The following COG5 variants were observed in gnomAD, a reference collection of about 807,000 sequenced individuals.
The protein encoded by COG5 is conserved oligomeric Golgi complex subunit 5.
A neutral mutation model predicts 110.4 loss-of-function variants in COG5; 86 were observed. The ratio of observed to expected loss-of-function variants is 0.78; its 90% CI spans 0.65 to 0.93. COG5 has a LOEUF of 0.93. Ranked by LOEUF, COG5 falls within the 40% of genes least tolerant of loss-of-function variation. COG5 has a pLI of 0.00. For synonymous variants in COG5, 360 were observed against 334.6 expected (o/e 1.08, Z -0.83); for missense variants, 1,077 against 987.0 (o/e 1.09, Z -1.22).
intron 18 of COG5, among the ~76,000 whole-genome samples, chr7:107,235,647 G>A (rs1379030091): frequency 1.3e-5 from 2 of 152,214 alleles, no homozygotes; most frequent in African/African-American, 4.8e-5. Context: ...AGGTTGCAGT[G>A]AGCTGAGATT....
rs7777950 is a variant in COG5, at chr7:107,364,227, T to G, written c.836-1807A>C. On this transcript the variant is annotated intron_variant, in intron 8 of 21. Coordinates refer to ENST00000297135, the MANE Select transcript of COG5 (RefSeq NM_006348.5). ...AGCTAATCATGAAGAAAATATCACA[T>G]GAATCCAGACAAATTCAGATTATGA... 1.6e-3 allele frequency among the ~76,000 whole-genome samples: 241 copies of G among 152,148 alleles called. 1 individual carries two copies. Among genetic ancestry groups the G allele is most frequent in the African/African-American group, 5.5e-3 (230 of 41,528 alleles).
intron 6 of COG5, among the ~76,000 whole-genome samples, chr7:107,426,877 C>T (rs892045409): frequency 6.6e-6 from 1 of 152,156 alleles, no homozygotes; most frequent in Admixed American, 6.5e-5. Context: ...ATCCTTTCTA[C>T]TTAAATTGGG....
At chr7:107,250,577 A>T (rs1802428057) in intron 16 of COG5, among the ~76,000 whole-genome samples, 1 of 152,224 alleles carries the variant, frequency 6.6e-6, no homozygotes, top group Non-Finnish European at 1.5e-5. Flanking sequence ...AGAGATGCTT[A>T]ACCCTGAGAT....
intron 6 of COG5, among the ~76,000 whole-genome samples, chr7:107,500,726 T>C (rs889797576): frequency 7.9e-5 from 12 of 152,162 alleles, no homozygotes; most frequent in African/African-American, 2.9e-4. Flanking sequence ...CTTTGGGATA[T>C]GATATTAAAA....
chr7:107,539,130 A>T (rs868140924), intron 5 of COG5, among the ~76,000 whole-genome samples: 36 of 151,670 alleles, frequency 2.4e-4, no homozygotes, highest in Admixed American at 8.6e-4. Flanking sequence ...ATTAAAATTT[A>T]AAAAAAAATT....
intron 14 of COG5, among the ~76,000 whole-genome samples, chr7:107,263,488 C>A (rs1803540228): frequency 6.6e-6 from 1 of 152,116 alleles, no homozygotes; most frequent in South Asian, 2.1e-4. Flanking sequence ...AATCATGTTA[C>A]ACTATTCCAG....
At chr7:107,252,450 T>A (rs1802589148) in intron 16 of COG5, among the ~76,000 whole-genome samples, 1 of 152,012 alleles carries the variant, frequency 6.6e-6, no homozygotes, top group Non-Finnish European at 1.5e-5. Flanking sequence ...GCTTCACTGG[T>A]GAATTCTACT....
chr7:107,315,994 G>A (rs952139432), intron 11 of COG5, among the ~76,000 whole-genome samples: 5 of 152,068 alleles, frequency 3.3e-5, no homozygotes, highest in Non-Finnish European at 7.4e-5. Flanking sequence ...GAAAACATAC[G>A]CTGGCAATTA....
intron 7 of COG5, among the ~76,000 whole-genome samples, chr7:107,385,815 T>C (rs1790148197): frequency 6.6e-6 from 1 of 151,680 alleles, no homozygotes; most frequent in Non-Finnish European, 1.5e-5. Flanking sequence ...CTTTTTTTTT[T>C]TTTTTTTTGA....
chr7:107,292,147 C>T (rs1474922373), intron 12 of COG5, among the ~76,000 whole-genome samples: 2 of 152,158 alleles, frequency 1.3e-5, no homozygotes, highest in African/African-American at 4.8e-5. Flanking sequence ...AGTGATCCTC[C>T]CACCTCAGCC....
chr7:107,417,762 T>C (rs1194957245), intron 6 of COG5, among the ~76,000 whole-genome samples: 3 of 152,174 alleles, frequency 2.0e-5, no homozygotes, highest in Admixed American at 6.5e-5. Flanking sequence ...TTCTCATTGA[T>C]AGTCTAATCT....
rs1805162165 is a variant in COG5 at position 107,281,486 on chromosome 7, G to A, written c.1476-87C>T. 5 of 930,222 alleles carry A rather than the reference G, an allele frequency of 5.4e-6. No homozygotes were observed. In the Admixed American group the frequency reaches 7.2e-5, roughly 13 times the overall value. The allele number at this position is 930,222 out of a possible 1,614,324, so 57.6% of individuals were successfully genotyped here. A position where few individuals can be genotyped will look rare whatever the true frequency, so the allele number is the denominator to read the frequency against. On this transcript the variant is annotated intron_variant, in intron 13 of 21. Transcript: ENST00000297135. ...CAAGATAAAAACTCAAACCCAATAA[G>A]CAATGTGGTTATTCTTTTTATAGAT... is the stretch of plus-strand genomic sequence containing the variant.
chr7:107,444,113 T>C (rs1794873087), intron 6 of COG5, among the ~76,000 whole-genome samples: 1 of 152,146 alleles, frequency 6.6e-6, no homozygotes, highest in African/African-American at 2.4e-5. Flanking sequence ...CACTTATCTC[T>C]CTGTTGTTTC....
At chr7:107,508,422 C>T (rs1799207457) in intron 6 of COG5, among the ~76,000 whole-genome samples, 1 of 152,254 alleles carries the variant, frequency 6.6e-6, no homozygotes, top group South Asian at 2.1e-4. Flanking sequence ...TCAAGGAGGC[C>T]TGCCTGCCTC....
chr7:107,235,216 A>C (rs1801089992), intron 18 of COG5, among the ~76,000 whole-genome samples: 1 of 152,210 alleles, frequency 6.6e-6, no homozygotes, highest in African/African-American at 2.4e-5. Context: ...CACTGACTTG[A>C]TACAAGCAGT....
chr7:107,255,825 G>A (rs1329999945), intron 16 of COG5, among the ~76,000 whole-genome samples: 2 of 152,018 alleles, frequency 1.3e-5, no homozygotes, highest in Admixed American at 6.6e-5. Context: ...TACGCTTTAT[G>A]GCCTTAGTTA....
intron 6 of COG5, among the ~76,000 whole-genome samples, chr7:107,493,797 C>A (rs1396200324): frequency 1.3e-5 from 2 of 152,038 alleles, no homozygotes; most frequent in African/African-American, 2.4e-5. Context: ...TATTCAAAGA[C>A]TATGAAAAAG....
intron 6 of COG5, among the ~76,000 whole-genome samples, chr7:107,416,625 T>C (rs1028112380): frequency 1.3e-5 from 2 of 152,174 alleles, no homozygotes; most frequent in South Asian, 2.1e-4. Context: ...TATGAACCAA[T>C]GGCACAGAGT....
chr7:107,221,594 C>A (rs1799929516), intron 19 of COG5, among the ~76,000 whole-genome samples: 1 of 151,916 alleles, frequency 6.6e-6, no homozygotes, highest in South Asian at 2.1e-4. Flanking sequence ...GAAATCCCAT[C>A]TTTACTAAAA....
Sources: allele counts gnomAD v4.1 joint callset (sites outside exome capture counted in the v4.1 genomes callset), GRCh38; gene constraint gnomAD v4.1.1; transcripts MANE v1.5; gene names NCBI Gene and HGNC (gene_info 2026-07-23, HGNC 2026-07-21).